Variants in PTPRO observed in about 807,000 individuals in gnomAD.
PTPRO encodes protein tyrosine phosphatase receptor type O, also known as receptor-type tyrosine-protein phosphatase O.
A neutral mutation model predicts 145.2 loss-of-function variants in PTPRO; 62 were observed. That is an observed-to-expected ratio of 0.43 (90% CI 0.35 to 0.53). The LOEUF is 0.53. PTPRO is among the 20% of genes least tolerant of loss of function. The pLI is 0.01. For synonymous variants in PTPRO, 565 were observed against 514.7 expected, an observed-to-expected ratio of 1.10 and a Z score of -1.32; for missense variants, 1,345 against 1,482.7, an observed-to-expected ratio of 0.91 and a Z score of 1.53.
chr12:15,430,879 T>G (rs1165710065), intron 1 of PTPRO, among the ~76,000 whole-genome samples: 2 of 152,188 alleles, frequency 1.3e-5, no homozygotes, highest in Non-Finnish European at 1.5e-5. Context: ...ATGAATGAAT[T>G]AAAATATTTG....
intron 1 of PTPRO, among the ~76,000 whole-genome samples, chr12:15,379,157 C>A (rs1229132736): frequency 6.6e-6 from 1 of 151,764 alleles, no homozygotes; most frequent in East Asian, 1.9e-4. Context: ...ATCATATGAC[C>A]CACACAAAAA....
chr12:15,348,115 G>T (rs900813166), intron 1 of PTPRO: 1 of 152,162 alleles, frequency 6.6e-6, no homozygotes, highest in Non-Finnish European at 1.5e-5. Context: ...TGACAAAAGA[G>T]ACTTTGCTGA....
At chr12:15,526,512 A>G (rs955557038) in intron 12 of PTPRO, among the ~76,000 whole-genome samples, 7 of 152,046 alleles carry the variant, frequency 4.6e-5, no homozygotes, top group African/African-American at 7.3e-5. Flanking sequence ...CCAGGTAGTC[A>G]TAGGATTTTG....
At chr12:15,444,672 G>A (rs1940856889) in intron 1 of PTPRO, among the ~76,000 whole-genome samples, 1 of 148,338 alleles carries the variant, frequency 6.7e-6, no homozygotes, top group Admixed American at 6.9e-5. Context: ...CCCTTATAAA[G>A]GAGGCCCCAG....
At chr12:15,365,796 A>G (rs763027924) in intron 1 of PTPRO, among the ~76,000 whole-genome samples, 6 of 152,200 alleles carry the variant, frequency 3.9e-5, no homozygotes, top group Non-Finnish European at 7.4e-5. Flanking sequence ...CAGAGTCTAA[A>G]GATGGGTCAG....
intron 1 of PTPRO, chr12:15,440,296 GACT>G: frequency 3.6e-6 from 2 of 555,000 alleles, no homozygotes; most frequent in Non-Finnish European, 6.4e-6. Context: ...TCCGGAAGGA[GACT>G]GTATTCACCA....
At chr12:15,540,913 C>T (rs959663057) in intron 12 of PTPRO, among the ~76,000 whole-genome samples, 1 of 152,118 alleles carries the variant, frequency 6.6e-6, no homozygotes, top group African/African-American at 2.4e-5. Flanking sequence ...TCAGTCCAAA[C>T]CCGGAGAGGC....
rs538720841 is a variant in PTPRO at position 15,377,458 on chromosome 12, A to G, written c.75+54657A>G. Among the ~76,000 whole-genome samples, 75 of 152,226 alleles carry G rather than the reference A, an allele frequency of 4.9e-4. 1 individual carries two copies. The highest frequency in any genetic ancestry group is 2.4e-4 in the Non-Finnish European group (16 of 67,964). On this transcript the variant is annotated intron_variant, in intron 1 of 26. Transcript: ENST00000281171. ...TCAAAGAAATAAATAGGTTGAAAGTAGAAAAGATGAAAAATACACTATACA... is the reference window on the plus strand; with the variant it reads ...TCAAAGAAATAAATAGGTTGAAAGTGGAAAAGATGAAAAATACACTATACA...
In PTPRO at chr12:15,508,525, C is replaced by T. The variant is rs185449604; in HGVS notation, c.1268-46C>T. On this transcript the variant is annotated intron_variant, in intron 6 of 26. Coordinates refer to ENST00000281171, the MANE Select transcript of PTPRO (RefSeq NM_030667.3). The stretch of plus-strand genomic sequence containing the variant: ...TTAAACCAGAATCTTTTATCTCAAT[C>T]AGTGTAACGTGCAGCCTCCCCTGTG... The T allele has an allele frequency of 4.2e-4, 644 of 1,538,956 alleles. 2 individuals are homozygous for T. In the African/African-American group the frequency reaches 7.8e-3, roughly 19 times the overall value.
At chr12:15,333,174 T>C (rs1866660898) in intron 1 of PTPRO, among the ~76,000 whole-genome samples, 2 of 152,242 alleles carry the variant, frequency 1.3e-5, no homozygotes, top group African/African-American at 4.8e-5. Context: ...AAGCATTCTA[T>C]ACATGCAGAT....
At chr12:15,533,443 G>C (rs1469820144) in intron 12 of PTPRO, among the ~76,000 whole-genome samples, 2 of 152,060 alleles carry the variant, frequency 1.3e-5, no homozygotes, top group African/African-American at 4.8e-5. Flanking sequence ...TACTAATCAT[G>C]TTATTGTGTA....
At chr12:15,383,719 A>G (rs916787554) in intron 1 of PTPRO, among the ~76,000 whole-genome samples, 8 of 152,186 alleles carry the variant, frequency 5.3e-5, no homozygotes, top group Non-Finnish European at 1.2e-4. Context: ...AAGAGCTTCC[A>G]GGTCATAGGT....
At chr12:15,547,489 A>G (rs1240168124) in intron 13 of PTPRO, among the ~76,000 whole-genome samples, 1 of 152,236 alleles carries the variant, frequency 6.6e-6, no homozygotes, top group Non-Finnish European at 1.5e-5. Flanking sequence ...TTTTTAAATA[A>G]TGAAGTTCAT....
At chr12:15,448,356 A>AAAAAAAAAAAAAAAAAAAAAAAAC in intron 1 of PTPRO, among the ~76,000 whole-genome samples, 1 of 149,236 alleles carries the variant, frequency 6.7e-6, no homozygotes, top group Non-Finnish European at 1.5e-5. Flanking sequence ...AAAAAAAAAA[A>AAAAAAAAAAAAAAAAAAAAAAAAC]AAAAGCACCG....
chr12:15,397,300 C>T (rs893963691), intron 1 of PTPRO, among the ~76,000 whole-genome samples: 2 of 152,140 alleles, frequency 1.3e-5, no homozygotes, highest in African/African-American at 2.4e-5. Context: ...TATGTGCCTG[C>T]CACTGTGAAA....
intron 1 of PTPRO, among the ~76,000 whole-genome samples, chr12:15,479,241 C>A (rs905363324): frequency 6.6e-5 from 10 of 152,148 alleles, no homozygotes; most frequent in Non-Finnish European, 1.3e-4. Flanking sequence ...CCCTGGGAAT[C>A]AATTTGACTA....
At position 15,535,245 on chromosome 12, in the gene PTPRO, G is replaced by C. The variant is rs189230278; in HGVS notation, c.2164+8983G>C. On this transcript the variant is annotated intron_variant, in intron 12 of 26. Transcript: ENST00000281171. ...ATGTGAAGGCCAGGGGAGAATTCTG[G>C]GCTGGAAATATAAATTTGGAAGTGT... Among the ~76,000 whole-genome samples, 454 of 152,176 alleles carry C rather than the reference G, an allele frequency of 3.0e-3. 3 individuals are homozygous for C. The highest frequency in any genetic ancestry group is 0.011 in the African/African-American group (443 of 41,510).
chr12:15,362,205 C>T (rs1311900296), intron 1 of PTPRO, among the ~76,000 whole-genome samples: 1 of 152,206 alleles, frequency 6.6e-6, no homozygotes, highest in Non-Finnish European at 1.5e-5. Flanking sequence ...TCTCATGCAT[C>T]ACTGAAAGTC....
At chr12:15,401,870 G>A (rs1389785593) in intron 1 of PTPRO, among the ~76,000 whole-genome samples, 1 of 152,192 alleles carries the variant, frequency 6.6e-6, no homozygotes, top group Non-Finnish European at 1.5e-5. Flanking sequence ...ATTTGTTAGA[G>A]TATAAATTGC....
Sources: allele counts gnomAD v4.1 joint callset (sites outside exome capture counted in the v4.1 genomes callset), GRCh38; gene constraint gnomAD v4.1.1; transcripts MANE v1.5; gene names NCBI Gene and HGNC (gene_info 2026-07-23, HGNC 2026-07-21).